The following DARS2 variants were observed in gnomAD, a reference collection of about 807,000 sequenced individuals.
DARS2 encodes the protein aspartyl-tRNA synthetase 2, mitochondrial, also known as aspartate--tRNA ligase, mitochondrial.
DARS2 carries 63 observed loss-of-function variants against 83.0 expected under a neutral mutation model. The ratio of observed to expected loss-of-function variants is 0.76; its 90% CI spans 0.62 to 0.94. DARS2 has a LOEUF of 0.94. Ranked by LOEUF, DARS2 falls within the 40% of genes least tolerant of loss-of-function variation. DARS2 has a pLI of 0.00. For missense variants in DARS2, 675 were observed against 774.4 expected, an observed-to-expected ratio of 0.87 and a Z score of 1.52; for synonymous variants, 250 against 269.3, an observed-to-expected ratio of 0.93 and a Z score of 0.70.
intron 13 of DARS2, among the ~76,000 whole-genome samples, chr1:173,850,901 A>G (rs1653636638): frequency 6.6e-6 from 1 of 151,966 alleles, no homozygotes; most frequent in South Asian, 2.1e-4. Context: ...CACCGTGCCC[A>G]GCCTGCATAA....
intron 2 of DARS2, 133 bp downstream of exon 2, chr1:173,826,919 T>G (rs1652605734): frequency 1.4e-6 from 1 of 739,658 alleles, no homozygotes; most frequent in Non-Finnish European, 2.4e-6. Context: ...ACTTACTGAA[T>G]TTTCAACTTT....
intron 2 of DARS2, 77 bp downstream of exon 2, chr1:173,826,863 A>G: frequency 1.9e-6 from 2 of 1,060,530 alleles, no homozygotes; most frequent in Non-Finnish European, 3.0e-6. Flanking sequence ...CTAATTTACA[A>G]CCAGTCCGAA....
At chr1:173,834,346 G>C in intron 6 of DARS2, 127 bp from the exon 7 acceptor site, 1 of 729,378 alleles carries the variant, frequency 1.4e-6, no homozygotes, top group Non-Finnish European at 2.4e-6. Context: ...AGTAGGCTTG[G>C]TAGCTTATTT....
chr1:173,832,643 CTT>C (rs1652833690), intron 5 of DARS2, among the ~76,000 whole-genome samples: 1 of 151,898 alleles, frequency 6.6e-6, no homozygotes, highest in Non-Finnish European at 1.5e-5. Flanking sequence ...GTGGCAGGCA[CTT>C]GTAGTCCCAG....
At chr1:173,828,270 C>T (rs1652660066) in intron 2 of DARS2, 63 bp from the exon 3 acceptor site, 3 of 1,515,070 alleles carry the variant, frequency 2.0e-6, no homozygotes, top group South Asian at 1.2e-5. Context: ...ATTTTGTATG[C>T]TTCAACTTTG....
intron 9 of DARS2, among the ~76,000 whole-genome samples, chr1:173,838,692 ATT>A (rs1653096936): frequency 6.6e-6 from 1 of 151,820 alleles, no homozygotes; most frequent in Non-Finnish European, 1.5e-5. Flanking sequence ...AGCTGTTACG[ATT>A]TGCTTTCTGT....
intron 15 of DARS2, among the ~76,000 whole-genome samples, chr1:173,855,155 G>A (rs919800173): frequency 6.0e-5 from 9 of 150,986 alleles, no homozygotes; most frequent in Non-Finnish European, 2.9e-5. Flanking sequence ...CCAGGCTGGA[G>A]TGCAGTGGCT....
intron 12 of DARS2, among the ~76,000 whole-genome samples, chr1:173,846,285 C>A (rs1294473491): frequency 1.3e-5 from 2 of 151,930 alleles, no homozygotes; most frequent in Non-Finnish European, 2.9e-5. Context: ...GAGCTGAGAT[C>A]ACGCCACTGC....
chr1:173,832,768 CAAAAAA>C (rs5779442), intron 5 of DARS2, among the ~76,000 whole-genome samples: 2,889 of 103,750 alleles, frequency 0.028, 99 homozygotes, highest in African/African-American at 0.092. Context: ...GACTCCATCT[CAAAAAA>C]AAAAAAAAAA....
chr1:173,856,857 G>GT, intron 16 of DARS2, 116 bp downstream of exon 16: 1 of 706,378 alleles, frequency 1.4e-6, no homozygotes, highest in Middle Eastern at 2.4e-4. Flanking sequence ...CCATGAGAAT[G>GT]TAAGTTTCTG....
intron 11 of DARS2, among the ~76,000 whole-genome samples, chr1:173,841,638 A>C (rs926680151): frequency 1.3e-5 from 2 of 152,014 alleles, no homozygotes; most frequent in African/African-American, 4.8e-5. Flanking sequence ...CATAGACCTC[A>C]TCTCTACAAA....
chr1:173,846,728 C>T (rs941850330), intron 12 of DARS2, among the ~76,000 whole-genome samples: 1 of 151,098 alleles, frequency 6.6e-6, no homozygotes, highest in Non-Finnish European at 1.5e-5. Context: ...CCCAGGAGAT[C>T]GAGGCTGCAG....
intron 1 of DARS2, 148 bp downstream of exon 1, chr1:173,825,504 T>G: frequency 1.8e-6 from 1 of 544,238 alleles, no homozygotes; most frequent in Non-Finnish European, 2.5e-6. Flanking sequence ...AGTCTCGCTC[T>G]GCTGCCCAGG....
rs1158446508 is a variant in DARS2, at chr1:173,829,067, GA to G, written c.294+677del. Among the ~76,000 whole-genome samples the G allele has an allele frequency of 4.6e-5, 7 of 151,092 alleles. No homozygotes were observed. In the East Asian group the frequency reaches 7.8e-4, roughly 17 times the overall value. On this transcript the variant is annotated intron_variant, in intron 3 of 16. Transcript: ENST00000649689. ...AATGAAGAAGTTCTATTCTAATAGGGAAAAAAAAATCCAAGGAATACTGTTA... is the reference window on the plus strand; with the variant it reads ...AATGAAGAAGTTCTATTCTAATAGGGAAAAAAAATCCAAGGAATACTGTTA...
chr1:173,828,454 G>A, intron 3 of DARS2, 55 bp downstream of exon 3: 1 of 1,466,910 alleles, frequency 6.8e-7, no homozygotes, highest in Non-Finnish European at 9.5e-7. Flanking sequence ...TATTGCTGGG[G>A]TAAGCTAAGT....
chr1:173,828,311 T>C, intron 2 of DARS2, 22 bp from the exon 3 acceptor site: 2 of 1,586,794 alleles, frequency 1.3e-6, no homozygotes, highest in East Asian at 2.3e-5. Context: ...AAATGTTTCT[T>C]TTCCCCCCCC....
At position 173,853,881 on chromosome 1, in the gene DARS2, T is replaced by C; in HGVS notation, c.1650T>C (p.Arg550=). ...SIRIHNAELQ[R]YILATLLKED... is the part of the protein sequence containing the mutation. ...GAATTCACAATGCAGAGCTGCAGCGTTATATCCTGGCAACCTTACTAAAGG... is the reference window on the plus strand; with the variant it reads ...GAATTCACAATGCAGAGCTGCAGCGCTATATCCTGGCAACCTTACTAAAGG... The change falls in exon 15 of 17, where the codon CGT becomes CGC. Residue 550 remains arginine, a synonymous_variant. Transcript: ENST00000649689. 1 of 1,614,098 alleles carries C rather than the reference T, an allele frequency of 6.2e-7. No homozygotes were observed. The highest frequency in any genetic ancestry group is 8.5e-7 in the Non-Finnish European group (1 of 1,179,958).
Position 173,845,218 on chromosome 1 carries a change from TC to T in DARS2, c.1129-10del. ...ATACTGACAAGTTTACTTTGATTTT[TC>T]TTTCATCAGAAATACTTAAAAAGGA... On this transcript the variant is annotated splice_polypyrimidine_tract_variant and intron_variant, in intron 11 of 16. Transcript: ENST00000649689. 6.4e-7 allele frequency: 1 copy of T among 1,561,256 alleles called. No individual in the cohort carries two copies. Among genetic ancestry groups the T allele is most frequent in the South Asian group, 1.1e-5 (1 of 89,874 alleles).
chr1:173,853,314 G>A (rs1313542088), intron 13 of DARS2, 35 bp from the exon 14 acceptor site: 1 of 1,601,534 alleles, frequency 6.2e-7, no homozygotes, highest in African/African-American at 1.3e-5. Flanking sequence ...GCTCTGTCAA[G>A]AAGTTAACTC....
Sources: allele counts gnomAD v4.1 joint callset (sites outside exome capture counted in the v4.1 genomes callset), GRCh38; gene constraint gnomAD v4.1.1; transcripts MANE v1.5; gene names NCBI Gene and HGNC (gene_info 2026-07-23, HGNC 2026-07-21).